Variants in ABCA13 observed in about 807,000 individuals in gnomAD.
ABCA13 encodes ATP binding cassette subfamily A member 13.
Under a neutral mutation model 478.7 loss-of-function variants are expected in ABCA13, and 476 were observed. The ratio of observed to expected loss-of-function variants is 0.99; its 90% CI spans 0.92 to 1.07. The LOEUF (loss-of-function observed/expected upper bound fraction) is 1.07, where lower values mean the gene tolerates loss of function less well. ABCA13 is among the 50% of genes least tolerant of loss of function. The pLI is 0.00. For missense variants in ABCA13, 6,060 were observed against 5,910.6 expected (o/e 1.03, Z -0.83); for synonymous variants, 2,252 against 2,158.9 (o/e 1.04, Z -1.20).
At chr7:48,435,094 T>TG (rs746001162) in intron 42 of ABCA13, among the ~76,000 whole-genome samples, 1 of 151,836 alleles carries the variant, frequency 6.6e-6, no homozygotes, top group Non-Finnish European at 1.5e-5. Context: ...TAGTTTTGGG[T>TG]GGTATTGATA....
At chr7:48,631,833 A>G (rs1794190742) in intron 59 of ABCA13, among the ~76,000 whole-genome samples, 1 of 152,026 alleles carries the variant, frequency 6.6e-6, no homozygotes, top group Admixed American at 6.6e-5. Flanking sequence ...TTTGTGCCAT[A>G]TATGATTTCT....
chr7:48,454,172 A>T (rs1033535852), intron 42 of ABCA13, among the ~76,000 whole-genome samples: 2 of 152,132 alleles, frequency 1.3e-5, no homozygotes, highest in Non-Finnish European at 2.9e-5. Flanking sequence ...ACTGGGAAAA[A>T]CTATCACCAC....
At chr7:48,399,982 G>T (rs928815566) in intron 38 of ABCA13, among the ~76,000 whole-genome samples, 5 of 152,120 alleles carry the variant, frequency 3.3e-5, no homozygotes, top group African/African-American at 1.2e-4. Context: ...TTCAAGGACA[G>T]AATCTCTTTG....
intron 55 of ABCA13, among the ~76,000 whole-genome samples, chr7:48,548,745 A>G (rs934709997): frequency 1.1e-4 from 17 of 151,902 alleles, no homozygotes; most frequent in African/African-American, 3.6e-4. Flanking sequence ...CTCTCGTTAC[A>G]TAGAAACTAA....
chr7:48,391,312 C>CCATACAA, intron 37 of ABCA13, among the ~76,000 whole-genome samples: 1 of 152,162 alleles, frequency 6.6e-6, no homozygotes, highest in South Asian at 2.1e-4. Flanking sequence ...TCTTAAAGTC[C>CCATACAA]CATACAACTA....
chr7:48,427,811 GC>G lies in ABCA13; in HGVS notation c.12508del (p.Leu4170TrpfsTer23), dbSNP rs1821637083. 6.3e-7 allele frequency: 1 copy of G among 1,584,170 alleles called. No homozygotes were observed. Among genetic ancestry groups the G allele is most frequent in the Non-Finnish European group, 8.6e-7 (1 of 1,161,912 alleles). On this transcript the variant is annotated frameshift_variant, in exon 42 of 62. Transcript: ENST00000435803. LOFTEE classifies it high-confidence loss of function. ...LQDSNKKSHI[A>X]LGTESELQNH... ...AGATTCCAACAAGAAATCTCACATT[GC>G]CCTGGGGACTGAGTCAGAGCTGCAG...
chr7:48,191,247 G>T (rs1797067333), intron 1 of ABCA13, among the ~76,000 whole-genome samples: 1 of 152,116 alleles, frequency 6.6e-6, no homozygotes, highest in Non-Finnish European at 1.5e-5. Flanking sequence ...GTTTAATTGT[G>T]GTCCCTTGAA....
At chr7:48,246,672 G>A (rs946046043) in intron 13 of ABCA13, among the ~76,000 whole-genome samples, 4 of 152,134 alleles carry the variant, frequency 2.6e-5, no homozygotes, top group African/African-American at 4.8e-5. Context: ...AATATAAATG[G>A]TGTCTCAGCA....
At chr7:48,339,740 T>C (rs1806829954) in intron 29 of ABCA13, among the ~76,000 whole-genome samples, 1 of 152,348 alleles carries the variant, frequency 6.6e-6, no homozygotes, top group Middle Eastern at 3.4e-3. Flanking sequence ...TCCTCTCTTC[T>C]TTCTGCTTCC....
chr7:48,623,580 G>T (rs1378462362), intron 59 of ABCA13, among the ~76,000 whole-genome samples: 1 of 152,198 alleles, frequency 6.6e-6, no homozygotes, highest in Admixed American at 6.5e-5. Flanking sequence ...TTCCTTAAGA[G>T]GTCCTAGGCC....
intron 55 of ABCA13, among the ~76,000 whole-genome samples, chr7:48,572,501 A>AT (rs1390568335): frequency 6.6e-6 from 1 of 151,882 alleles, no homozygotes. Flanking sequence ...ACATTTTACT[A>AT]TTTTTTCTCA....
chr7:48,595,064 A>G (rs974550145), intron 58 of ABCA13, among the ~76,000 whole-genome samples: 1 of 152,202 alleles, frequency 6.6e-6, no homozygotes, highest in Non-Finnish European at 1.5e-5. Context: ...TCTGTGTCCA[A>G]AGATGATATT....
At chr7:48,376,938 G>A (rs1240582519) in intron 35 of ABCA13, among the ~76,000 whole-genome samples, 1 of 152,096 alleles carries the variant, frequency 6.6e-6, no homozygotes, top group African/African-American at 2.4e-5. Context: ...GAGTGCCTTG[G>A]CCAGAAAGTC....
intron 39 of ABCA13, among the ~76,000 whole-genome samples, chr7:48,406,652 C>G (rs1328146429): frequency 6.6e-6 from 1 of 152,066 alleles, no homozygotes; most frequent in African/African-American, 2.4e-5. Context: ...ATGGGTGGAT[C>G]ACTTGAACTC....
At chr7:48,410,093 C>CAAAAAAAAAAAAAA (rs58724216) in intron 39 of ABCA13, among the ~76,000 whole-genome samples, 1 of 67,186 alleles carries the variant, frequency 1.5e-5, no homozygotes, top group African/African-American at 5.7e-5. Context: ...GACTCCATCT[C>CAAAAAAAAAAAAAA]AAAAAAAAAA....
At position 48,249,356 on chromosome 7, in the gene ABCA13, G is replaced by A. The variant is rs1315824277; in HGVS notation, c.2005+5G>A. ...GTTTCCAGAACAGACTATTGGGTAA[G>A]TCAGTAGCCTAAACTACAGGAATGG... On this transcript the variant is annotated splice_donor_5th_base_variant and intron_variant, in intron 15 of 61. Transcript: ENST00000435803. 2.5e-6 allele frequency: 4 copies of A among 1,612,292 alleles called. No homozygotes were observed. The East Asian group carries it at 6.7e-5, about 27-fold the overall frequency.
chr7:48,596,925 C>T (rs758323781), intron 58 of ABCA13, among the ~76,000 whole-genome samples: 1 of 151,900 alleles, frequency 6.6e-6, no homozygotes, highest in Non-Finnish European at 1.5e-5. Flanking sequence ...AATCAGTAGT[C>T]TGCTGCATCT....
At chr7:48,295,889 C>A in intron 21 of ABCA13, 26 bp downstream of exon 21, 1 of 1,569,914 alleles carries the variant, frequency 6.4e-7, no homozygotes, top group Non-Finnish European at 8.6e-7. Flanking sequence ...CTTTCATGCC[C>A]TCCCCAGTAC....
rs1796568255 is a variant in ABCA13 at position 48,278,282 on chromosome 7, A to G, written c.7088A>G (p.Gln2363Arg). 1.9e-6 allele frequency: 3 copies of G among 1,612,576 alleles called. No individual in the cohort carries two copies. Among genetic ancestry groups the G allele is most frequent in the Admixed American group, 3.3e-5 (2 of 59,840 alleles). ...ACTCATCAAGGACTGAAGTTCATGC[A>G]AGATTTATTTAATGCCCTTCTCAGG... ...FDTHQGLKFMQDLFNALLRET... is the reference protein window; with the variant it reads ...FDTHQGLKFMRDLFNALLRET... Residue 2363 changes from glutamine to arginine, a missense_variant, in exon 18 of 62, where the codon CAA becomes CGA. Coordinates refer to ENST00000435803, the MANE Select transcript of ABCA13 (RefSeq NM_152701.5).
Sources: gnomAD v4.1 joint callset for allele counts (sites outside exome capture counted in the v4.1 genomes callset) on GRCh38, gnomAD v4.1.1 for gene constraint, MANE v1.5 for transcripts, NCBI Gene and HGNC (gene_info 2026-07-23, HGNC 2026-07-21) for gene names.